ZNF737: variants seen among roughly 807,000 people sequenced by gnomAD.
ZNF737 encodes zinc finger protein 737.
In ZNF737, 13 loss-of-function variants were observed where a neutral mutation model predicts 11.7. The ratio of observed to expected loss-of-function variants is 1.11; its 90% CI spans 0.73 to 1.77. The LOEUF (loss-of-function observed/expected upper bound fraction) is 1.77. Ranked by LOEUF, ZNF737 falls within the 40% of genes most tolerant of loss-of-function variation. The pLI, the probability that ZNF737 is intolerant of heterozygous loss-of-function variation, is 0.00. For missense variants in ZNF737, 636 were observed against 638.0 expected, an observed-to-expected ratio of 1.00 and a Z score of 0.03; for synonymous variants, 217 against 216.2, an observed-to-expected ratio of 1.00 and a Z score of -0.03.
At chr19:20,530,645 G>A in the ZNF737 span, among the ~76,000 whole-genome samples, 1 of 148,236 alleles carries the variant, frequency 6.7e-6, no homozygotes, top group African/African-American at 2.5e-5. Flanking sequence ...GCGGGGCAGA[G>A]GCGCTCCCCA....
chr19:20,546,315 G>A (rs917094152), intron 3 of ZNF737, among the ~76,000 whole-genome samples: 4 of 152,242 alleles, frequency 2.6e-5, no homozygotes, highest in East Asian at 1.9e-4. Flanking sequence ...ATTTCCAGTC[G>A]GATGCAGTCG....
downstream of ZNF737, among the ~76,000 whole-genome samples, chr19:20,533,478 ATG>A (rs1967879407): frequency 6.7e-6 from 1 of 149,930 alleles, no homozygotes; most frequent in Non-Finnish European, 1.5e-5. Flanking sequence ...AAACATATGA[ATG>A]TGTCTTTGTA....
downstream of ZNF737, among the ~76,000 whole-genome samples, chr19:20,534,453 ATATCTATCTATCTATC>A (rs59237794): frequency 4.1e-5 from 6 of 144,626 alleles, no homozygotes; most frequent in Non-Finnish European, 7.6e-5. Flanking sequence ...AAAAGAAAAA[ATATCTATCTATCTATC>A]TATCTATCTA....
intron 1 of ZNF737, among the ~76,000 whole-genome samples, chr19:20,561,485 G>A (rs782390281): frequency 1.4e-5 from 2 of 143,610 alleles, no homozygotes; most frequent in Admixed American, 6.9e-5. Flanking sequence ...TAAGTTTTCA[G>A]TCCTCTGTCA....
Position 20,541,154 on chromosome 19 carries a change from G to C in ZNF737, c.*3438C>G. ...AATACAAAGCAGAAAGTATAGATTTGCTTTCACCATTTTAAAAGTGTTTAG... is the reference window on the plus strand; with the variant it reads ...AATACAAAGCAGAAAGTATAGATTTCCTTTCACCATTTTAAAAGTGTTTAG... On this transcript the variant is annotated 3_prime_UTR_variant, in exon 4 of 4. Transcript: ENST00000427401. 18 of 982,308 alleles carry C rather than the reference G, an allele frequency of 1.8e-5. No individual in the cohort carries two copies. Among genetic ancestry groups the C allele is most frequent in the Non-Finnish European group, 2.1e-5 (17 of 827,174 alleles). 60.8% of individuals were successfully genotyped at this position (982,308 alleles called of 1,614,324 possible).
chr19:20,561,003 C>T (rs557545423), intron 1 of ZNF737, among the ~76,000 whole-genome samples: 4 of 152,106 alleles, frequency 2.6e-5, no homozygotes, highest in South Asian at 4.2e-4. Flanking sequence ...ATAATCTGCA[C>T]GCAAAACCCC....
In ZNF737 at chr19:20,539,272, AGAGTGAGAATC is replaced by A. The variant is rs571795406; in HGVS notation, c.*5309_*5319del. On this transcript the variant is annotated 3_prime_UTR_variant, in exon 4 of 4. Transcript: ENST00000427401. ...ACCATTGCAGTGCAGCGTGAGTGACAGAGTGAGAATCCTTCTAAAAAAAAAAAAAAGAAATT... is the reference window on the plus strand; with the variant it reads ...ACCATTGCAGTGCAGCGTGAGTGACACTTCTAAAAAAAAAAAAAAGAAATT... 49 of 962,874 alleles carry A rather than the reference AGAGTGAGAATC, an allele frequency of 5.1e-5. No individual in the cohort carries two copies. The South Asian group carries it at 2.2e-3, about 43-fold the overall frequency. 59.6% of individuals were successfully genotyped at this position (962,874 alleles called of 1,614,324 possible). A position where few individuals can be genotyped will look rare whatever the true frequency, so the allele number is the denominator to read the frequency against.
intron 1 of ZNF737, among the ~76,000 whole-genome samples, chr19:20,559,298 A>C (rs559433726): frequency 1.3e-5 from 2 of 152,328 alleles, no homozygotes; most frequent in African/African-American, 2.4e-5. Context: ...AAGGTCTAAT[A>C]TCCAGAATTT....
chr19:20,532,048 C>T (rs1347861903), downstream of ZNF737, among the ~76,000 whole-genome samples: 1 of 150,150 alleles, frequency 6.7e-6, no homozygotes, highest in Non-Finnish European at 1.5e-5. Flanking sequence ...AAAGCTCTAT[C>T]TTCAAAGGCA....
In ZNF737 at chr19:20,538,970, T is replaced by C. The variant is rs1968088331; in HGVS notation, c.*5622A>G. 1.2e-5 allele frequency: 12 copies of C among 985,256 alleles called. No homozygotes were observed. The Admixed American group carries it at 7.4e-4, about 61-fold the overall frequency. The allele number at this position is 985,256 out of a possible 1,614,324, so 61.0% of individuals were successfully genotyped here. A position where few individuals can be genotyped will look rare whatever the true frequency, so the allele number is the denominator to read the frequency against. Reference sequence around the variant, plus strand: ...GTTAAAGCAAATCAGAGAAGAGCAATGTGTGTACATAATGTGCATTTTCCT... The same window carrying C: ...GTTAAAGCAAATCAGAGAAGAGCAACGTGTGTACATAATGTGCATTTTCCT... On this transcript the variant is annotated 3_prime_UTR_variant, in exon 4 of 4. Coordinates refer to ENST00000427401, the MANE Select transcript of ZNF737 (RefSeq NM_001159293.2).
Position 20,538,701 on chromosome 19 carries a change from A to G in ZNF737, c.*5891T>C. Reference sequence around the variant, plus strand: ...ATTGGTATCTCTGTAAAGAGACAGTAAGGAAATGCTGAGTGGAGGCACCAC... The same window carrying G: ...ATTGGTATCTCTGTAAAGAGACAGTGAGGAAATGCTGAGTGGAGGCACCAC... On this transcript the variant is annotated 3_prime_UTR_variant, in exon 4 of 4. Coordinates refer to ENST00000427401, the MANE Select transcript of ZNF737 (RefSeq NM_001159293.2). 1.0e-6 allele frequency: 1 copy of G among 985,402 alleles called. No homozygotes were observed. Among genetic ancestry groups the G allele is most frequent in the Non-Finnish European group, 1.2e-6 (1 of 829,906 alleles). The allele number at this position is 985,402 out of a possible 1,614,324, so 61.0% of individuals were successfully genotyped here.
Position 20,543,036 on chromosome 19 carries a change from T to G in ZNF737, c.*1556A>C, listed in dbSNP as rs1401382228. ...GGATTAGTTTTTATATTCAATGCTC[T>G]GATTTAGTGTAATGTCTGAAGTGTC... On this transcript the variant is annotated 3_prime_UTR_variant, in exon 4 of 4. Transcript: ENST00000427401. 19 of 985,166 alleles carry G rather than the reference T, an allele frequency of 1.9e-5. No homozygotes were observed. The highest frequency in any genetic ancestry group is 6.1e-5 in the Admixed American group (1 of 16,266). 61.0% of individuals were successfully genotyped at this position (985,166 alleles called of 1,614,324 possible). A position where few individuals can be genotyped will look rare whatever the true frequency, so the allele number is the denominator to read the frequency against.
rs1968235010 is a variant in ZNF737, at chr19:20,542,212, G to A, written c.*2380C>T. ...CATGGTAAAAATAAAATAAAATTAA[G>A]TTCACAAATAATCTAACAAACTTTT... On this transcript the variant is annotated 3_prime_UTR_variant, in exon 4 of 4. Coordinates refer to ENST00000427401, the MANE Select transcript of ZNF737 (RefSeq NM_001159293.2). The A allele has an allele frequency of 1.0e-6, 1 of 981,352 alleles. No homozygotes were observed. Among genetic ancestry groups the A allele is most frequent in the African/African-American group, 1.8e-5 (1 of 56,912 alleles). The allele number at this position is 981,352 out of a possible 1,614,324, so 60.8% of individuals were successfully genotyped here.
chr19:20,553,302 G>A (rs1031584213), intron 2 of ZNF737, among the ~76,000 whole-genome samples: 2 of 151,786 alleles, frequency 1.3e-5, no homozygotes, highest in Non-Finnish European at 2.9e-5. Flanking sequence ...TCTGTTGCCT[G>A]GGCTGGAGTG....
chr19:20,559,420 G>GA (rs1364270051), intron 1 of ZNF737, among the ~76,000 whole-genome samples: 4 of 151,646 alleles, frequency 2.6e-5, no homozygotes, highest in Admixed American at 2.6e-4. Context: ...CTAAGTACCT[G>GA]AAAAAAATGC....
chr19:20,535,946 A>G, downstream of ZNF737: 1 of 392,706 alleles, frequency 2.5e-6, no homozygotes, highest in South Asian at 1.1e-4. Flanking sequence ...TCTGGTTAAG[A>G]GAGCTTCTTC....
Position 20,544,669 on chromosome 19 carries a change from C to T in ZNF737, c.1534G>A (p.Glu512Lys). The T allele has an allele frequency of 1.2e-6, 2 of 1,606,988 alleles. No homozygotes were observed. The highest frequency in any genetic ancestry group is 1.7e-6 in the Non-Finnish European group (2 of 1,177,522). Residue 512 changes from glutamate (E) to lysine (K), a missense_variant, in exon 4 of 4, where the codon GAA becomes AAA. Coordinates refer to ENST00000427401, the MANE Select transcript of ZNF737 (RefSeq NM_001159293.2). ...CACTTAAAGCCTTTGCCACATTCTT[C>T]ACATTTGTAGGGTTTCTCTCCAGTA... ...IHTGEKPYKC[E>K]ECGKGFKCPS...
In ZNF737 at chr19:20,548,962, GAAA is replaced by G. The variant is rs3047010; in HGVS notation, c.227-2989_227-2987del. The stretch of plus-strand genomic sequence containing the variant: ...AAGCAATTTTTTTTAAAGAAAAACT[GAAA>G]AAAAAAAAAAAAAAACAATTATGTA... On this transcript the variant is annotated intron_variant, in intron 3 of 3. Coordinates refer to ENST00000427401, the MANE Select transcript of ZNF737 (RefSeq NM_001159293.2). Among the ~76,000 whole-genome samples, 93 of 86,448 alleles carry G rather than the reference GAAA, an allele frequency of 1.1e-3. 1 individual carries two copies. The highest frequency in any genetic ancestry group is 1.1e-3 in the Non-Finnish European group (56 of 49,300). 56.7% of individuals were successfully genotyped at this position (86,448 alleles called of 152,430 possible). A position where few individuals can be genotyped will look rare whatever the true frequency, so the allele number is the denominator to read the frequency against.
chr19:20,555,215 CT>C (rs1968844432), intron 1 of ZNF737, among the ~76,000 whole-genome samples: 1 of 143,440 alleles, frequency 7.0e-6, no homozygotes, highest in South Asian at 2.2e-4. Flanking sequence ...TGGAAAATCA[CT>C]CTGTTGCCCA....
Sources: gnomAD v4.1 joint callset for allele counts (sites outside exome capture counted in the v4.1 genomes callset) on GRCh38, gnomAD v4.1.1 for gene constraint, MANE v1.5 for transcripts, NCBI Gene and HGNC (gene_info 2026-07-23, HGNC 2026-07-21) for gene names.